VWC2L: variants seen among roughly 807,000 people sequenced by gnomAD.
VWC2L encodes the protein von Willebrand factor C domain containing 2 like.
In VWC2L, 10 loss-of-function variants were observed where a neutral mutation model predicts 21.6. The ratio of observed to expected loss-of-function variants is 0.46; its 90% CI spans 0.29 to 0.78. The LOEUF is 0.78. VWC2L is among the 30% of genes least tolerant of loss of function. The pLI is 0.10. For missense variants in VWC2L, 209 were observed against 277.1 expected, an observed-to-expected ratio of 0.75 and a Z score of 1.74; for synonymous variants, 96 against 94.3, an observed-to-expected ratio of 1.02 and a Z score of -0.10.
intron 3 of VWC2L, among the ~76,000 whole-genome samples, chr2:214,517,437 A>G (rs1689161304): frequency 6.6e-6 from 1 of 152,160 alleles, no homozygotes; most frequent in Non-Finnish European, 1.5e-5. Context: ...AATCAGTTGG[A>G]GGGCTTTTGG....
At chr2:214,561,250 C>G (rs1297807532) in intron 3 of VWC2L, among the ~76,000 whole-genome samples, 2 of 152,148 alleles carry the variant, frequency 1.3e-5, no homozygotes, top group African/African-American at 2.4e-5. Flanking sequence ...AAGCACCCAC[C>G]CTTTGAAAAC....
chr2:214,467,268 GT>G (rs1455519780), intron 3 of VWC2L, among the ~76,000 whole-genome samples: 1 of 152,114 alleles, frequency 6.6e-6, no homozygotes, highest in Non-Finnish European at 1.5e-5. Flanking sequence ...TGAACAACTT[GT>G]TTCCCCACAT....
Position 214,414,602 on chromosome 2 carries a change from A to G in VWC2L, c.390+19A>G. Reference sequence around the variant, plus strand: ...ATTTAAGGTATGCGTTACCCTCCATATTTATTGAAATATCAACTTTTCATA... The same window carrying G: ...ATTTAAGGTATGCGTTACCCTCCATGTTTATTGAAATATCAACTTTTCATA... On this transcript the variant is annotated intron_variant, in intron 2 of 3. Coordinates refer to ENST00000312504, the MANE Select transcript of VWC2L (RefSeq NM_001080500.4). 6.3e-7 allele frequency: 1 copy of G among 1,599,404 alleles called. No individual in the cohort carries two copies. Among genetic ancestry groups the G allele is most frequent in the Non-Finnish European group, 8.5e-7 (1 of 1,176,292 alleles).
chr2:214,413,965 C>T, intron 1 of VWC2L, 149 bp from the exon 2 acceptor site: 1 of 454,354 alleles, frequency 2.2e-6, no homozygotes, highest in Non-Finnish European at 3.8e-6. Flanking sequence ...CCAAACCTCA[C>T]AATAAGGCAC....
At chr2:214,445,297 A>G (rs1337491202) in intron 3 of VWC2L, among the ~76,000 whole-genome samples, 2 of 151,934 alleles carry the variant, frequency 1.3e-5, no homozygotes, top group African/African-American at 2.4e-5. Context: ...TAGTTGTTAT[A>G]AAGTTGTTTG....
At chr2:214,434,292 T>C (rs1702645264) in intron 2 of VWC2L, among the ~76,000 whole-genome samples, 1 of 152,190 alleles carries the variant, frequency 6.6e-6, no homozygotes, top group Admixed American at 6.6e-5. Flanking sequence ...TGCCTGCACA[T>C]CTAGTTACCA....
In VWC2L at chr2:214,542,952, A is replaced by G. The variant is rs549743835; in HGVS notation, c.521-32720A>G. Among the ~76,000 whole-genome samples, 255 of 152,312 alleles carry G rather than the reference A, an allele frequency of 1.7e-3. 3 individuals carry two copies. Among genetic ancestry groups the G allele is most frequent in the Non-Finnish European group, 3.0e-3 (202 of 68,018 alleles). ...ATTAGATTGTCACTGTATCATACTA[A>G]TGCCTTTTCCTTGCAACAACTATGA... On this transcript the variant is annotated intron_variant, in intron 3 of 3. Transcript: ENST00000312504.
At chr2:214,505,108 A>G (rs954274116) in intron 3 of VWC2L, among the ~76,000 whole-genome samples, 2 of 152,194 alleles carry the variant, frequency 1.3e-5, no homozygotes, top group Non-Finnish European at 2.9e-5. Context: ...ATTTAATTGG[A>G]AAGAACTGTG....
chr2:214,531,841 A>C (rs1689440690), intron 3 of VWC2L, among the ~76,000 whole-genome samples: 1 of 152,134 alleles, frequency 6.6e-6, no homozygotes, highest in Admixed American at 6.6e-5. Context: ...TAATTTTTCA[A>C]ATGAGTGGAA....
At chr2:214,540,384 T>C (rs943542128) in intron 3 of VWC2L, among the ~76,000 whole-genome samples, 21 of 152,160 alleles carry the variant, frequency 1.4e-4, no homozygotes, top group Admixed American at 1.2e-3. Context: ...GTTCTGCAGA[T>C]AGCAAATTCC....
At chr2:214,419,805 A>G (rs1338627009) in intron 2 of VWC2L, among the ~76,000 whole-genome samples, 2 of 152,176 alleles carry the variant, frequency 1.3e-5, no homozygotes, top group African/African-American at 4.8e-5. Flanking sequence ...CAGGATGCCA[A>G]GTTTTTGCCC....
Position 214,448,664 on chromosome 2 carries a change from C to T in VWC2L, c.520+11906C>T, listed in dbSNP as rs183331097. Among the ~76,000 whole-genome samples, 467 of 152,208 alleles carry T rather than the reference C, an allele frequency of 3.1e-3. 2 individuals carry two copies. Among genetic ancestry groups the T allele is most frequent in the African/African-American group, 0.011 (444 of 41,532 alleles). ...CAGACTTCATGTAATGTGTGGGTCGCTTTAGTGCAAAATTAATGTTATACA... is the reference window on the plus strand; with the variant it reads ...CAGACTTCATGTAATGTGTGGGTCGTTTTAGTGCAAAATTAATGTTATACA... On this transcript the variant is annotated intron_variant, in intron 3 of 3. Coordinates refer to ENST00000312504, the MANE Select transcript of VWC2L (RefSeq NM_001080500.4).
chr2:214,438,479 T>C (rs1239167627), intron 3 of VWC2L, among the ~76,000 whole-genome samples: 1 of 152,040 alleles, frequency 6.6e-6, no homozygotes, highest in Admixed American at 6.6e-5. Context: ...GTTAGCTTTG[T>C]CTTACTTTTA....
chr2:214,506,540 G>A (rs981750524), intron 3 of VWC2L, among the ~76,000 whole-genome samples: 8 of 152,032 alleles, frequency 5.3e-5, no homozygotes, highest in Admixed American at 2.6e-4. Flanking sequence ...TTAGCTATAC[G>A]TATCAAAACC....
rs576093873 is a variant in VWC2L at position 214,515,950 on chromosome 2, C to G, written c.521-59722C>G. ...AATTTGAACACAACATTCTTTCTAC[C>G]TCTTTATGCTGCCTCAGAAAGTGCT... On this transcript the variant is annotated intron_variant, in intron 3 of 3. Coordinates refer to ENST00000312504, the MANE Select transcript of VWC2L (RefSeq NM_001080500.4). 2.0e-5 allele frequency among the ~76,000 whole-genome samples: 3 copies of G among 152,286 alleles called. 1 individual carries two copies. The South Asian group carries it at 6.2e-4, about 32-fold the overall frequency.
intron 3 of VWC2L, among the ~76,000 whole-genome samples, chr2:214,506,862 T>C (rs556468501): frequency 1.3e-5 from 2 of 152,152 alleles, no homozygotes; most frequent in African/African-American, 4.8e-5. Flanking sequence ...ATAAATTACA[T>C]TATCCAAATT....
intron 2 of VWC2L, among the ~76,000 whole-genome samples, chr2:214,416,156 TTC>T (rs1336399677): frequency 6.6e-6 from 1 of 152,014 alleles, no homozygotes; most frequent in East Asian, 1.9e-4. Context: ...AAACATAAGT[TTC>T]TGAGATTTAT....
intron 3 of VWC2L, among the ~76,000 whole-genome samples, chr2:214,522,246 G>A (rs888495799): frequency 2.6e-5 from 4 of 151,862 alleles, no homozygotes; most frequent in African/African-American, 9.7e-5. Flanking sequence ...GTGGTGGCGG[G>A]AGCCTGTAGT....
At chr2:214,477,716 C>A (rs1688544523) in intron 3 of VWC2L, among the ~76,000 whole-genome samples, 1 of 152,218 alleles carries the variant, frequency 6.6e-6, no homozygotes, top group African/African-American at 2.4e-5. Context: ...GAATTTGAAC[C>A]TAGTCAGGCT....
Sources: gnomAD v4.1 joint callset for allele counts (sites outside exome capture counted in the v4.1 genomes callset) on GRCh38, gnomAD v4.1.1 for gene constraint, MANE v1.5 for transcripts, NCBI Gene and HGNC (gene_info 2026-07-23, HGNC 2026-07-21) for gene names.